HELZ: variants seen among roughly 807,000 people sequenced by gnomAD.
The protein encoded by HELZ is ATP-dependent RNA helicase with zinc finger domain.
A neutral mutation model predicts 218.2 loss-of-function variants in HELZ; 23 were observed. The observed-to-expected ratio is 0.11, with a 90% confidence interval of 0.08 to 0.15. The LOEUF (loss-of-function observed/expected upper bound fraction) is 0.15, where lower values mean the gene tolerates loss of function less well. HELZ is among the 10% of genes least tolerant of loss of function. HELZ has a pLI of 1.00. For synonymous variants in HELZ, 814 were observed against 829.4 expected (o/e 0.98, Z 0.32); for missense variants, 1,813 against 2,353.7 (o/e 0.77, Z 4.75).
At chr17:67,145,975 C>A (rs2038483572) in intron 20 of HELZ, 85 bp from the exon 21 acceptor site, 1 of 1,164,730 alleles carries the variant, frequency 8.6e-7, no homozygotes, top group Non-Finnish European at 1.2e-6. Context: ...TCAGTCGATT[C>A]TAATAATATT....
chr17:67,091,042 C>G (rs960641095), intron 31 of HELZ, among the ~76,000 whole-genome samples: 19 of 151,922 alleles, frequency 1.3e-4, no homozygotes, highest in Non-Finnish European at 1.5e-4. Flanking sequence ...AATTTAAATT[C>G]TAATATAAGC....
At chr17:67,147,097 C>A (rs2038520834) in intron 20 of HELZ, among the ~76,000 whole-genome samples, 1 of 152,118 alleles carries the variant, frequency 6.6e-6, no homozygotes, top group African/African-American at 2.4e-5. Flanking sequence ...ACTTGTACAA[C>A]ATAGCCAAAG....
chr17:67,182,934 G>A (rs772782007), intron 12 of HELZ, among the ~76,000 whole-genome samples: 3 of 152,172 alleles, frequency 2.0e-5, no homozygotes, highest in Non-Finnish European at 4.4e-5. Context: ...TAGATAAGAA[G>A]AAAATAAGCG....
chr17:67,241,471 C>A (rs148270644), intron 2 of HELZ, among the ~76,000 whole-genome samples: 2 of 152,308 alleles, frequency 1.3e-5, no homozygotes, highest in African/African-American at 4.8e-5. Context: ...ATCTGGGCTA[C>A]TTACTTGTAG....
chr17:67,092,159 A>G (rs1211033005), intron 31 of HELZ, among the ~76,000 whole-genome samples: 1 of 152,220 alleles, frequency 6.6e-6, no homozygotes, highest in Non-Finnish European at 1.5e-5. Flanking sequence ...TAAAAGCATG[A>G]TTCCCAGTTA....
intron 9 of HELZ, among the ~76,000 whole-genome samples, chr17:67,193,344 CAAA>C (rs34516607): frequency 4.4e-5 from 4 of 91,854 alleles, no homozygotes; most frequent in Non-Finnish European, 6.5e-5. Flanking sequence ...GACTCTGTCT[CAAA>C]AAAAAAAAAA....
chr17:67,078,340 T>G lies in HELZ; in HGVS notation c.5741A>C (p.Lys1914Thr), dbSNP rs745528118. ...PKPRPPPEQA[K>T]KSSDPLSLFQ... ...GAGAGACAGAGGGTCGCTACTCTTC[T>G]TGGCCTGCTCAGGAGGGGGCCTGGG... The change falls in exon 33 of 33, where the codon AAG (lysine) becomes ACG (threonine). Residue 1914 changes from lysine (K) to threonine (T), a missense_variant. Physicochemically the swap from Lys to Thr is moderately conservative, Grantham distance 78. This residue lies in a region of HELZ where 938 missense variants were observed against 1,027.5 expected (regional missense o/e 0.91). Transcript: ENST00000358691. 6.2e-7 allele frequency: 1 copy of G among 1,614,074 alleles called. No individual in the cohort carries two copies. The highest frequency in any genetic ancestry group is 8.5e-7 in the Non-Finnish European group (1 of 1,179,968).
intron 26 of HELZ, among the ~76,000 whole-genome samples, chr17:67,121,607 T>C (rs2037612770): frequency 6.6e-6 from 1 of 152,246 alleles, no homozygotes; most frequent in African/African-American, 2.4e-5. Flanking sequence ...TTGGCAATGA[T>C]CATCTCAGCC....
rs534243055 is a variant in HELZ at position 67,102,794 on chromosome 17, T to C, written c.5241+4375A>G. Among the ~76,000 whole-genome samples the C allele has an allele frequency of 5.1e-4, 78 of 152,314 alleles. 1 individual carries two copies. The South Asian group carries it at 0.016, about 32-fold the overall frequency. On this transcript the variant is annotated intron_variant, in intron 31 of 32. Coordinates refer to ENST00000358691, the MANE Select transcript of HELZ (RefSeq NM_014877.4). ...GTGTTGTCAGTAAATCACTCATTTG[T>C]GAATCTCATGCAACAAAATAAAACT...
rs2037571261 is a variant in HELZ, at chr17:67,120,402, T to C, written c.3838+3A>G. 6.2e-7 allele frequency: 1 copy of C among 1,612,766 alleles called. No homozygotes were observed. The highest frequency in any genetic ancestry group is 8.5e-7 in the Non-Finnish European group (1 of 1,178,806). On this transcript the variant is annotated splice_donor_region_variant and intron_variant, in intron 27 of 32. Transcript: ENST00000358691. ...AACAGGAGAACAGCGAAGTACAACT[T>C]ACCATTTCGATTTTGCTCATGTTGA...
chr17:67,159,832 GCTT>G (rs2144105015), intron 17 of HELZ, among the ~76,000 whole-genome samples: 1 of 152,130 alleles, frequency 6.6e-6, no homozygotes, highest in East Asian at 1.9e-4. Flanking sequence ...CTAATGTGTA[GCTT>G]CTATGAAATT....
At chr17:67,182,344 C>A (rs921538691) in intron 12 of HELZ, among the ~76,000 whole-genome samples, 11 of 152,082 alleles carry the variant, frequency 7.2e-5, no homozygotes, top group African/African-American at 2.2e-4. Context: ...ACTCCAGAGG[C>A]TGAGGCAGGA....
intron 1 of HELZ, 56 bp downstream of exon 1, chr17:67,245,092 C>G (rs894022693): frequency 3.4e-4 from 336 of 984,708 alleles, no homozygotes; most frequent in Non-Finnish European, 3.9e-4. Context: ...CCCCGGAGAG[C>G]TCCGGGAGCT....
intron 23 of HELZ, among the ~76,000 whole-genome samples, chr17:67,131,285 TA>T (rs2037975011): frequency 6.6e-6 from 1 of 152,212 alleles, no homozygotes; most frequent in African/African-American, 2.4e-5. Flanking sequence ...AGCTACTTTT[TA>T]AAACTCCATA....
In HELZ at chr17:67,084,953, C is replaced by T. The variant is rs143580293; in HGVS notation, c.5494+1876G>A. Reference sequence around the variant, plus strand: ...TAGCCCCGCCTCTACTAAAAATACACAAATTAGCTGGGCATGGTGGCAGAT... The same window carrying T: ...TAGCCCCGCCTCTACTAAAAATACATAAATTAGCTGGGCATGGTGGCAGAT... On this transcript the variant is annotated intron_variant, in intron 32 of 32. Coordinates refer to ENST00000358691, the MANE Select transcript of HELZ (RefSeq NM_014877.4). Among the ~76,000 whole-genome samples the T allele has an allele frequency of 1.5e-3, 229 of 152,012 alleles. 3 individuals carry two copies. Among genetic ancestry groups the T allele is most frequent in the African/African-American group, 5.1e-3 (212 of 41,476 alleles).
In HELZ at chr17:67,108,619, G is replaced by C. The variant is rs781755674; in HGVS notation, c.4597C>G (p.Pro1533Ala). The stretch of plus-strand genomic sequence containing the variant: ...TGGAGGTGAGGATGGTGATGGTGTG[G>C]GTATGGAGCGCTGCCCTGACTGAGA... ...AFLSQGSAPY[P>A]HHHHPHLQHL... The change falls in exon 30 of 33, where the codon CCA becomes GCA. Residue 1533 changes from proline (P) to alanine (A), a missense_variant. Pro to Ala is a conservative substitution (Grantham distance 27). Transcript: ENST00000358691. This position sits in a 1 kb window ranked among gnomAD's most constrained non-coding sequence, Gnocchi z 4.1. 5.6e-6 allele frequency: 9 copies of C among 1,613,892 alleles called. No homozygotes were observed. Among genetic ancestry groups the C allele is most frequent in the African/African-American group, 5.3e-5 (4 of 74,868 alleles).
chr17:67,094,311 G>C (rs2036666337), intron 31 of HELZ, among the ~76,000 whole-genome samples: 1 of 146,640 alleles, frequency 6.8e-6, no homozygotes, highest in Non-Finnish European at 1.5e-5. Context: ...GACAGAGGGA[G>C]ACCTGGTCTT....
intron 15 of HELZ, 36 bp downstream of exon 15, chr17:67,166,442 C>T (rs1598354431): frequency 6.4e-7 from 1 of 1,556,184 alleles, no homozygotes; most frequent in Non-Finnish European, 8.8e-7. Flanking sequence ...TTAATATTAA[C>T]CTAACTTCCT....
intron 9 of HELZ, among the ~76,000 whole-genome samples, chr17:67,192,309 A>T (rs1452388877): frequency 6.6e-6 from 1 of 152,204 alleles, no homozygotes; most frequent in Non-Finnish European, 1.5e-5. Context: ...AAAAATATGG[A>T]TAGTAAGAAA....
Sources: allele counts gnomAD v4.1 joint callset (sites outside exome capture counted in the v4.1 genomes callset), GRCh38; gene constraint gnomAD v4.1.1; regional missense constraint gnomAD v4.1.1; non-coding constraint Gnocchi (gnomAD v3.1); transcripts MANE v1.5; gene names NCBI Gene and HGNC (gene_info 2026-07-23, HGNC 2026-07-21).